SPTBN5: variants seen among roughly 807,000 people sequenced by gnomAD.
SPTBN5 encodes the protein spectrin beta chain, non-erythrocytic 5.
A neutral mutation model predicts 477.6 loss-of-function variants in SPTBN5; 513 were observed. That is an observed-to-expected ratio of 1.07 (90% CI 1.00 to 1.16). The LOEUF is 1.16. SPTBN5 is among the 50% of genes most tolerant of loss of function. The pLI is 0.00. For missense variants in SPTBN5, 5,062 were observed against 4,731.8 expected (o/e 1.07, Z -2.05); for synonymous variants, 2,169 against 2,011.7 (o/e 1.08, Z -2.09).
At chr15:41,862,502 G>A in intron 43 of SPTBN5, 37 bp downstream of exon 43, 2 of 1,572,460 alleles carry the variant, frequency 1.3e-6, no homozygotes, top group Non-Finnish European at 1.7e-6. Flanking sequence ...AGATGCTGGA[G>A]GATGGGTCGG....
chr15:41,874,420 C>A lies in SPTBN5; in HGVS notation c.4561G>T (p.Glu1521Ter), dbSNP rs2066649762. The A allele has an allele frequency of 2.5e-6, 4 of 1,613,384 alleles. No individual in the cohort carries two copies. The highest frequency in any genetic ancestry group is 3.4e-6 in the Non-Finnish European group (4 of 1,179,832). Reference protein sequence around the residue: ...IRGLQLQASVELHQFCHLSNM... With the variant: ...IRGLQLQASV Reference sequence around the variant, plus strand: ...CTCAGGTGGCAGAACTGGTGCAGCTCCACTGAGGCCTGCAGCTGCAGGCCC... The same window carrying A: ...CTCAGGTGGCAGAACTGGTGCAGCTACACTGAGGCCTGCAGCTGCAGGCCC... The change falls in exon 24 of 68, where the codon GAG becomes TAG. Residue 1521 changes from glutamate to a stop codon, truncating the protein, a stop_gained. Coordinates refer to ENST00000320955, the MANE Select transcript of SPTBN5 (RefSeq NM_016642.4). LOFTEE classifies it high-confidence loss of function.
At chr15:41,881,829 G>T (rs144748919) in intron 12 of SPTBN5, 107 bp downstream of exon 12, 2 of 1,129,722 alleles carry the variant, frequency 1.8e-6, no homozygotes, top group South Asian at 1.6e-5. Flanking sequence ...GGAAGGCCAC[G>T]AATCCTGGGC....
chr15:41,879,463 G>A lies in SPTBN5; in HGVS notation c.2979C>T (p.Ala993=), dbSNP rs770940845. 9 of 1,593,406 alleles carry A rather than the reference G, an allele frequency of 5.6e-6. No individual in the cohort carries two copies. The East Asian group carries it at 6.8e-5, about 12-fold the overall frequency. ...GQLEALKREK[A]VQLAHSVEVC... is the part of the protein sequence containing the mutation. ...CTTCCACACTGTGTGCCAGCTGCAC[G>A]GCCTTCTCCCTCTTCAGGGCCTCCA... Residue 993 remains alanine, a synonymous_variant, in exon 16 of 68, where the codon GCC becomes GCT. Coordinates refer to ENST00000320955, the MANE Select transcript of SPTBN5 (RefSeq NM_016642.4).
intron 62 of SPTBN5, 90 bp downstream of exon 62, chr15:41,852,092 G>A (rs555245624): frequency 1.8e-4 from 257 of 1,456,696 alleles, no homozygotes; most frequent in Middle Eastern, 1.3e-3. Context: ...TGGCTCCAGG[G>A]TGTGGGCCCT....
chr15:41,884,534 C>T (rs533495081), intron 7 of SPTBN5, among the ~76,000 whole-genome samples: 1 of 152,308 alleles, frequency 6.6e-6, no homozygotes, highest in African/African-American at 2.4e-5. Context: ...ACTGCTGCTC[C>T]GTCCTGGATT....
intron 22 of SPTBN5, 58 bp from the exon 23 acceptor site, chr15:41,875,114 T>C: frequency 6.7e-7 from 1 of 1,491,698 alleles, no homozygotes; most frequent in South Asian, 1.2e-5. Flanking sequence ...GCAAGTGGCC[T>C]TCCCGGGCTC....
rs1332838158 is a variant in SPTBN5, at chr15:41,851,056, C to T, written c.10835+3G>A. 1.2e-5 allele frequency: 19 copies of T among 1,611,072 alleles called. No individual in the cohort carries two copies. Among genetic ancestry groups the T allele is most frequent in the Middle Eastern group, 1.7e-4 (1 of 6,056 alleles). ...ATGCCGGAGTCCATGTCTCTCCGCT[C>T]ACCTTAAGGAGAATGTGTGTTTCCT... On this transcript the variant is annotated splice_donor_region_variant and intron_variant, in intron 65 of 67. Coordinates refer to ENST00000320955, the MANE Select transcript of SPTBN5 (RefSeq NM_016642.4).
Position 41,885,725 on chromosome 15 carries a change from TG to T in SPTBN5, c.1520+9del. 1 of 1,549,814 alleles carries T rather than the reference TG, an allele frequency of 6.5e-7. No homozygotes were observed. Among genetic ancestry groups the T allele is most frequent in the South Asian group, 1.2e-5 (1 of 83,948 alleles). On this transcript the variant is annotated intron_variant, in intron 7 of 67. Transcript: ENST00000320955. ...CCAGCTGTGGGGAGAGTTCATGTGCTGGGGCTCACCTGCGGGCCACATCTGC... is the reference window on the plus strand; with the variant it reads ...CCAGCTGTGGGGAGAGTTCATGTGCTGGGCTCACCTGCGGGCCACATCTGC...
At chr15:41,848,842 T>C (rs2065646213) in intron 67 of SPTBN5, among the ~76,000 whole-genome samples, 1 of 152,282 alleles carries the variant, frequency 6.6e-6, no homozygotes, top group African/African-American at 2.4e-5. Context: ...AACCCAACTC[T>C]ACGTCTGTCA....
intron 66 of SPTBN5, 108 bp downstream of exon 66, chr15:41,850,746 G>A: frequency 1.1e-6 from 1 of 944,004 alleles, no homozygotes. Flanking sequence ...TTGGAGGTTA[G>A]AGATGCTAAC....
chr15:41,877,089 G>A (rs777104109), intron 18 of SPTBN5, 27 bp downstream of exon 18: 4 of 1,612,286 alleles, frequency 2.5e-6, no homozygotes, highest in Admixed American at 3.3e-5. Flanking sequence ...GGGAGTGACA[G>A]CCTAGCTCCA....
rs369099283 is a variant in SPTBN5, at chr15:41,855,752, G to T, written c.9022-7C>A. 9 of 1,568,970 alleles carry T rather than the reference G, an allele frequency of 5.7e-6. No homozygotes were observed. Among genetic ancestry groups the T allele is most frequent in the Non-Finnish European group, 6.9e-6 (8 of 1,158,714 alleles). On this transcript the variant is annotated splice_region_variant and splice_polypyrimidine_tract_variant and intron_variant, in intron 53 of 67. Coordinates refer to ENST00000320955, the MANE Select transcript of SPTBN5 (RefSeq NM_016642.4). ...AGGATCCCGCCTCCAGGAGCTGGGG[G>T]TGACAGAGTGGAGATCCGTTTTCCC...
At chr15:41,884,088 C>T (rs2067071965) in intron 7 of SPTBN5, among the ~76,000 whole-genome samples, 1 of 152,224 alleles carries the variant, frequency 6.6e-6, no homozygotes. Flanking sequence ...CAGGTTCATG[C>T]CATTCTCCTG....
rs2065741453 is a variant in SPTBN5 at position 41,851,056 on chromosome 15, CACCTT to C, written c.10833_10835+2del. On this transcript the variant is annotated splice_donor_variant and coding_sequence_variant, in exon 65 of 68. Coordinates refer to ENST00000320955, the MANE Select transcript of SPTBN5 (RefSeq NM_016642.4). LOFTEE classifies it high-confidence loss of function. ...ATGCCGGAGTCCATGTCTCTCCGCT[CACCTT>C]AAGGAGAATGTGTGTTTCCTGCCGT... 3.7e-6 allele frequency: 6 copies of C among 1,610,954 alleles called. No individual in the cohort carries two copies. The highest frequency in any genetic ancestry group is 5.1e-6 in the Non-Finnish European group (6 of 1,179,022).
chr15:41,852,976 C>A lies in SPTBN5; in HGVS notation c.10195G>T (p.Glu3399Ter). ...AEVTECLQEL[E>*]GRLQELEEAW... ...TCCTCCAGCTCCTGCAGCCGCCCTT[C>A]CAGCTCCTGCAGGCACTCTGTCACC... The change falls in exon 60 of 68, where the codon GAA becomes TAA. Residue 3399 changes from glutamate to a stop codon, truncating the protein, a stop_gained. Coordinates refer to ENST00000320955, the MANE Select transcript of SPTBN5 (RefSeq NM_016642.4). LOFTEE classifies it high-confidence loss of function. 6.4e-7 allele frequency: 1 copy of A among 1,555,486 alleles called. No homozygotes were observed. Among genetic ancestry groups the A allele is most frequent in the South Asian group, 1.2e-5 (1 of 84,620 alleles).
rs1332735180 is a variant in SPTBN5 at position 41,880,052 on chromosome 15, C to A, written c.2811+108G>T. On this transcript the variant is annotated intron_variant, in intron 14 of 67. Coordinates refer to ENST00000320955, the MANE Select transcript of SPTBN5 (RefSeq NM_016642.4). ...GAAATTCAGGCCAGCTCTCTGCTCC[C>A]CTCCCCCAGGCAGGACGGTAGTTAA... The A allele has an allele frequency of 2.1e-6, 3 of 1,442,726 alleles. No homozygotes were observed. In the East Asian group the frequency reaches 7.3e-5, roughly 35 times the overall value. 89.4% of individuals were successfully genotyped at this position (1,442,726 alleles called of 1,614,324 possible). A position where few individuals can be genotyped will look rare whatever the true frequency, so the allele number is the denominator to read the frequency against.
At position 41,862,529 on chromosome 15, in the gene SPTBN5, G is replaced by A. The variant is rs548731673; in HGVS notation, c.7385+10C>T. 47 of 1,578,144 alleles carry A rather than the reference G, an allele frequency of 3.0e-5. No individual in the cohort carries two copies. The highest frequency in any genetic ancestry group is 3.0e-4 in the East Asian group (13 of 43,706). ...ATGGGTCGGCGAGGGCAAGGCCTGCGGGTTCATACCGCTTCTGGGCCCTGC... is the reference window on the plus strand; with the variant it reads ...ATGGGTCGGCGAGGGCAAGGCCTGCAGGTTCATACCGCTTCTGGGCCCTGC... On this transcript the variant is annotated intron_variant, in intron 43 of 67. Transcript: ENST00000320955.
At chr15:41,859,039 G>A (rs954081953) in intron 47 of SPTBN5, 59 bp from the exon 48 acceptor site, 17 of 1,358,276 alleles carry the variant, frequency 1.3e-5, no homozygotes, top group Admixed American at 2.9e-5. Context: ...TGGGGTGCCC[G>A]TCCAGCCTAG....
rs577884495 is a variant in SPTBN5, at chr15:41,869,955, C to T, written c.5739G>A (p.Ala1913=). ...TCACAGCTTGCTGCCTCTGCTGCAC[C>T]GCATGGGCCTGAGGCCCCGGACACA... ...QKLCPGPQAH[A]VQQRQQAVTQ... Residue 1913 remains alanine, a synonymous_variant, in exon 32 of 68, where the codon GCG becomes GCA. Transcript: ENST00000320955. 97 of 1,549,272 alleles carry T rather than the reference C, an allele frequency of 6.3e-5. No individual in the cohort carries two copies. Among genetic ancestry groups the T allele is most frequent in the East Asian group, 1.7e-4 (7 of 42,080 alleles).
Sources: gnomAD v4.1 joint callset for allele counts (sites outside exome capture counted in the v4.1 genomes callset) on GRCh38, gnomAD v4.1.1 for gene constraint, MANE v1.5 for transcripts, NCBI Gene and HGNC (gene_info 2026-07-23, HGNC 2026-07-21) for gene names.